The following LRRC1 variants were observed in gnomAD, a reference collection of about 807,000 sequenced individuals.
The protein encoded by LRRC1 is leucine rich repeat containing 1.
In LRRC1, 28 loss-of-function variants were observed where a neutral mutation model predicts 69.9. The observed-to-expected ratio is 0.40, with a 90% CI of 0.30 to 0.55. The LOEUF (loss-of-function observed/expected upper bound fraction) is 0.55, where lower values mean the gene tolerates loss of function less well. Ranked by LOEUF, LRRC1 falls within the 20% of genes least tolerant of loss-of-function variation. The pLI is 0.47. For synonymous variants in LRRC1, 236 were observed against 240.2 expected (o/e 0.98, Z 0.16); for missense variants, 498 against 609.0 (o/e 0.82, Z 1.92).
chr6:53,872,435 A>G lies in LRRC1; in HGVS notation c.278-6558A>G, dbSNP rs73430299. ...GTTCTCTATTCTATTTCACTGGTCT[A>G]TGTATCAGTTTCTATGCTAGTACCA... On this transcript the variant is annotated intron_variant, in intron 2 of 13. Coordinates refer to ENST00000370888, the MANE Select transcript of LRRC1 (RefSeq NM_018214.5). 3.6e-3 allele frequency among the ~76,000 whole-genome samples: 550 copies of G among 152,230 alleles called. 4 individuals carry two copies. Among genetic ancestry groups the G allele is most frequent in the African/African-American group, 0.013 (533 of 41,544 alleles).
chr6:53,811,941 T>C (rs1033350006), intron 1 of LRRC1, among the ~76,000 whole-genome samples: 1 of 152,224 alleles, frequency 6.6e-6, no homozygotes, highest in African/African-American at 2.4e-5. Flanking sequence ...CAAAAGTGAG[T>C]GCACAGTGCC....
chr6:53,876,838 G>A (rs1468337835), intron 2 of LRRC1, among the ~76,000 whole-genome samples: 1 of 152,176 alleles, frequency 6.6e-6, no homozygotes, highest in Non-Finnish European at 1.5e-5. Flanking sequence ...GGCCTTGACT[G>A]TCTGGTGGCT....
rs59678556 is a variant in LRRC1 at position 53,862,689 on chromosome 6, C to A, written c.278-16304C>A. 8.6e-3 allele frequency among the ~76,000 whole-genome samples: 1,307 copies of A among 152,232 alleles called. 15 individuals carry two copies. Among genetic ancestry groups the A allele is most frequent in the African/African-American group, 0.029 (1,196 of 41,538 alleles). On this transcript the variant is annotated intron_variant, in intron 2 of 13. Transcript: ENST00000370888. Reference sequence around the variant, plus strand: ...TTCTGTACCATCAGGAGACCCATGCCGCTCAGCCTGTGTATGCTCTGGAAA... The same window carrying A: ...TTCTGTACCATCAGGAGACCCATGCAGCTCAGCCTGTGTATGCTCTGGAAA...
intron 1 of LRRC1, among the ~76,000 whole-genome samples, chr6:53,814,667 G>A (rs1562027219): frequency 6.6e-6 from 1 of 152,332 alleles, no homozygotes; most frequent in East Asian, 1.9e-4. Context: ...CTTGCTTCCA[G>A]ACATGCTATA....
At chr6:53,919,372 T>C in intron 11 of LRRC1, 126 bp from the exon 12 acceptor site, 2 of 773,090 alleles carry the variant, frequency 2.6e-6, no homozygotes, top group Non-Finnish European at 3.9e-6. Flanking sequence ...TAACACCGTT[T>C]TTACATTTTG....
At chr6:53,841,079 G>A (rs905342808) in intron 1 of LRRC1, among the ~76,000 whole-genome samples, 13 of 152,128 alleles carry the variant, frequency 8.5e-5, no homozygotes, top group Admixed American at 6.5e-5. Context: ...CCCAGGAGCC[G>A]GGATGCAGGG....
At chr6:53,839,392 G>A (rs930719912) in intron 1 of LRRC1, among the ~76,000 whole-genome samples, 2 of 152,112 alleles carry the variant, frequency 1.3e-5, no homozygotes, top group Non-Finnish European at 2.9e-5. Flanking sequence ...GGAGCATCCT[G>A]TAATCTTAGT....
intron 2 of LRRC1, among the ~76,000 whole-genome samples, chr6:53,857,649 TG>T (rs775742356): frequency 1.2e-4 from 19 of 152,210 alleles, no homozygotes; most frequent in Admixed American, 3.3e-4. Flanking sequence ...TGGTGTAAAA[TG>T]GGGGCAGAGT....
intron 11 of LRRC1, among the ~76,000 whole-genome samples, chr6:53,915,655 C>T (rs751991249): frequency 7.9e-5 from 12 of 152,120 alleles, no homozygotes; most frequent in Non-Finnish European, 1.5e-4. Flanking sequence ...CCCATTTCTC[C>T]AGTTCTCAGA....
intron 2 of LRRC1, among the ~76,000 whole-genome samples, chr6:53,858,202 C>T (rs1418633972): frequency 6.6e-6 from 1 of 152,064 alleles, no homozygotes; most frequent in Non-Finnish European, 1.5e-5. Context: ...AGTAGTCCCT[C>T]CTTCTAAGAC....
chr6:53,898,095 C>T (rs1767932963), intron 7 of LRRC1, among the ~76,000 whole-genome samples: 1 of 152,118 alleles, frequency 6.6e-6, no homozygotes. Flanking sequence ...GTAAAGGGCT[C>T]TGTATTTTCA....
chr6:53,823,297 C>G lies in LRRC1; in HGVS notation c.160-18813C>G, dbSNP rs73430262. Among the ~76,000 whole-genome samples, 552 of 152,274 alleles carry G rather than the reference C, an allele frequency of 3.6e-3. 4 individuals carry two copies. Among genetic ancestry groups the G allele is most frequent in the African/African-American group, 0.013 (535 of 41,568 alleles). ...AACTCATGAGGGGATTACATGAACTCCCTTATTAAAGAACTTAATATATTG... is the reference window on the plus strand; with the variant it reads ...AACTCATGAGGGGATTACATGAACTGCCTTATTAAAGAACTTAATATATTG... On this transcript the variant is annotated intron_variant, in intron 1 of 13. Transcript: ENST00000370888.
intron 4 of LRRC1, 149 bp downstream of exon 4, chr6:53,883,125 C>T (rs1219481993): frequency 1.7e-6 from 1 of 584,326 alleles, no homozygotes; most frequent in East Asian, 3.3e-5. Flanking sequence ...AGATTATAGC[C>T]AGCCTCCTAT....
chr6:53,861,667 A>G (rs1766527447), intron 2 of LRRC1, among the ~76,000 whole-genome samples: 1 of 152,064 alleles, frequency 6.6e-6, no homozygotes, highest in Admixed American at 6.5e-5. Flanking sequence ...TAGCTAGTTT[A>G]TCTGGGCCAA....
chr6:53,905,211 G>C (rs1273477666), intron 10 of LRRC1: 1 of 152,356 alleles, frequency 6.6e-6, no homozygotes, highest in East Asian at 1.9e-4. Context: ...GCGGGCGCCT[G>C]TAGTCCCAGC....
chr6:53,848,814 G>T (rs190029867), intron 2 of LRRC1, among the ~76,000 whole-genome samples: 12 of 151,786 alleles, frequency 7.9e-5, no homozygotes, highest in Middle Eastern at 3.4e-3. Context: ...CTGGAGTGCA[G>T]TGGCGCCATC....
chr6:53,829,313 A>G (rs1322494717), intron 1 of LRRC1, among the ~76,000 whole-genome samples: 2 of 152,226 alleles, frequency 1.3e-5, no homozygotes, highest in African/African-American at 4.8e-5. Flanking sequence ...AAATGAGATT[A>G]TGTATGTAGA....
chr6:53,838,085 C>CAG (rs1214021634), intron 1 of LRRC1, among the ~76,000 whole-genome samples: 9 of 152,264 alleles, frequency 5.9e-5, no homozygotes, highest in African/African-American at 2.2e-4. Flanking sequence ...AAAGGCAAGG[C>CAG]AGAAGGGTTT....
At chr6:53,903,937 C>T (rs1768148208) in intron 9 of LRRC1, among the ~76,000 whole-genome samples, 1 of 152,228 alleles carries the variant, frequency 6.6e-6, no homozygotes, top group South Asian at 2.1e-4. Flanking sequence ...ATCCCCATAG[C>T]CCTTGCCTTT....
Sources: gnomAD v4.1 joint callset for allele counts (sites outside exome capture counted in the v4.1 genomes callset) on GRCh38, gnomAD v4.1.1 for gene constraint, MANE v1.5 for transcripts, NCBI Gene and HGNC (gene_info 2026-07-23, HGNC 2026-07-21) for gene names.